The following SSH1 variants were observed in gnomAD, a reference collection of about 807,000 sequenced individuals.
The protein encoded by SSH1 is protein phosphatase Slingshot homolog 1.
SSH1 carries 43 observed loss-of-function variants against 79.7 expected under a neutral mutation model. The ratio of observed to expected loss-of-function variants is 0.54; its 90% CI spans 0.42 to 0.70. The LOEUF (loss-of-function observed/expected upper bound fraction) is 0.70, where lower values mean the gene tolerates loss of function less well. Among genes scored for constraint, SSH1 ranks in the 30% least tolerant of loss-of-function variants. The pLI is 0.00. For missense variants in SSH1, 1,206 were observed against 1,358.8 expected (o/e 0.89, Z 1.77); for synonymous variants, 599 against 538.3 (o/e 1.11, Z -1.56).
chr12:108,853,172 G>C, intron 1 of SSH1: 2 of 985,420 alleles, frequency 2.0e-6, no homozygotes, highest in Non-Finnish European at 2.4e-6. Context: ...CAGGCCGTCT[G>C]TTTGTGGGTC....
chr12:108,838,560 T>A (rs1375802852), intron 2 of SSH1, among the ~76,000 whole-genome samples: 1 of 152,230 alleles, frequency 6.6e-6, no homozygotes, highest in African/African-American at 2.4e-5. Flanking sequence ...CCCTGCAGGA[T>A]GTGACTCAGC....
At chr12:108,850,384 TGGGGAGGGGAGA>T (rs2039005449) in intron 2 of SSH1, among the ~76,000 whole-genome samples, 1 of 5,412 alleles carries the variant, frequency 1.8e-4, no homozygotes, top group Admixed American at 2.5e-3. Context: ...GAGGGGAGCT[TGGGGAGGGGAGA>T]TGGGGGAGGG....
At chr12:108,846,613 G>C (rs2038904439) in intron 2 of SSH1, among the ~76,000 whole-genome samples, 1 of 152,230 alleles carries the variant, frequency 6.6e-6, no homozygotes, top group South Asian at 2.1e-4. Flanking sequence ...ATCAGTTCTT[G>C]AGACACTTCC....
Position 108,792,821 on chromosome 12 carries a change from C to T in SSH1, c.1358G>A (p.Arg453Gln). 4 of 1,613,478 alleles carry T rather than the reference C, an allele frequency of 2.5e-6. No individual in the cohort carries two copies. Among genetic ancestry groups the T allele is most frequent in the African/African-American group, 1.3e-5 (1 of 75,004 alleles). The part of the protein sequence containing the change: ...YEGILDASKQ[R>Q]HNKLWRQQTD... ...CTGCTGACGCCACAGCTTGTTGTGC[C>T]GCTGTTTGCTGCGGGGAGAGAGGGT... is the stretch of plus-strand genomic sequence containing the variant. Residue 453 changes from arginine to glutamine, a missense_variant, in exon 14 of 15, where the codon CGG (arginine) becomes CAG (glutamine). By Grantham distance (43) the Arg-to-Gln change is conservative. Transcript: ENST00000326495.
In SSH1 at chr12:108,778,273, A is replaced by AG. The variant is rs1163042169; in HGVS notation, c.*9714dup. The AG allele has an allele frequency of 6.6e-6, 1 of 152,262 alleles. No homozygotes were observed. The highest frequency in any genetic ancestry group is 1.9e-4 in the East Asian group (1 of 5,206). 9.4% of individuals were successfully genotyped at this position (152,262 alleles called of 1,614,324 possible). Reference sequence around the variant, plus strand: ...TAAACAAACGCACGCATAAGTCCACAGGGGCTCCTTTTCATGGCATATCTC... The same window carrying AG: ...TAAACAAACGCACGCATAAGTCCACAGGGGGCTCCTTTTCATGGCATATCTC... On this transcript the variant is annotated 3_prime_UTR_variant, in exon 15 of 15. Transcript: ENST00000326495.
chr12:108,842,929 T>C (rs769354900), intron 2 of SSH1, among the ~76,000 whole-genome samples: 1 of 152,194 alleles, frequency 6.6e-6, no homozygotes, highest in African/African-American at 2.4e-5. Context: ...ACTGAAATAA[T>C]GCACACAAGG....
Position 108,817,994 on chromosome 12 carries a change from G to GT in SSH1, c.279+254dup, listed in dbSNP as rs1290238822. On this transcript the variant is annotated intron_variant, in intron 4 of 14. Transcript: ENST00000326495. ...GCAGGAGAATCATTTGAGGCCAGGA[G>GT]TTCAAGACCAGCCTGGGCAAAATAG... Among the ~76,000 whole-genome samples, 3 of 152,280 alleles carry GT rather than the reference G, an allele frequency of 2.0e-5. No individual in the cohort carries two copies. In the South Asian group the frequency reaches 6.2e-4, roughly 32 times the overall value.
At chr12:108,806,279 A>T in intron 9 of SSH1, 22 bp downstream of exon 9, 1 of 1,609,484 alleles carries the variant, frequency 6.2e-7, no homozygotes, top group African/African-American at 1.3e-5. Flanking sequence ...CTGACCTGCA[A>T]TGAAGGGAGG....
chr12:108,829,126 G>A (rs1420302068), intron 2 of SSH1, among the ~76,000 whole-genome samples: 3 of 151,980 alleles, frequency 2.0e-5, no homozygotes, highest in Non-Finnish European at 2.9e-5. Flanking sequence ...TCAGGAGTTC[G>A]AGACTAGCAT....
In SSH1 at chr12:108,779,596, AG is replaced by A. The variant is rs2036127826; in HGVS notation, c.*8391del. The A allele has an allele frequency of 6.6e-6, 1 of 152,234 alleles. No individual in the cohort carries two copies. Among genetic ancestry groups the A allele is most frequent in the Non-Finnish European group, 1.5e-5 (1 of 68,048 alleles). 9.4% of individuals were successfully genotyped at this position (152,234 alleles called of 1,614,324 possible). A position where few individuals can be genotyped will look rare whatever the true frequency, so the allele number is the denominator to read the frequency against. On this transcript the variant is annotated 3_prime_UTR_variant, in exon 15 of 15. Transcript: ENST00000326495. ...TCATAAACTGAGAATAATGCCAACA[AG>A]GCAGTTAATAGAAGGATCCCAAGGT...
At position 108,807,459 on chromosome 12, in the gene SSH1, C is replaced by T. The variant is rs1041544333; in HGVS notation, c.731+174G>A. Among the ~76,000 whole-genome samples the T allele has an allele frequency of 6.7e-6, 1 of 149,960 alleles. No individual in the cohort carries two copies. Among genetic ancestry groups the T allele is most frequent in the Non-Finnish European group, 1.5e-5 (1 of 67,790 alleles). ...TCTTTTTTTTGCATGGGACAGGGGC[C>T]TGTGTCACAGACCCCTGCTTTAAAC... On this transcript the variant is annotated intron_variant, in intron 8 of 14. Coordinates refer to ENST00000326495, the MANE Select transcript of SSH1 (RefSeq NM_018984.4). The surrounding 1 kb of genome is among the most constrained non-coding windows in gnomAD (Gnocchi z 5.2).
chr12:108,803,947 A>G (rs1199284335), intron 10 of SSH1, among the ~76,000 whole-genome samples: 2 of 152,204 alleles, frequency 1.3e-5, no homozygotes, highest in East Asian at 3.8e-4. Flanking sequence ...CAGAAAACAA[A>G]GTCTTTCTTG....
At chr12:108,791,935 A>G (rs1377994305) in intron 14 of SSH1, 5 of 1,308,892 alleles carry the variant, frequency 3.8e-6, no homozygotes, top group Non-Finnish European at 4.9e-6. Flanking sequence ...TGGCTGATAA[A>G]TTATATGTTT....
intron 5 of SSH1, among the ~76,000 whole-genome samples, chr12:108,814,978 G>A (rs532710668): frequency 6.6e-6 from 1 of 152,376 alleles, no homozygotes; most frequent in African/African-American, 2.4e-5. Flanking sequence ...AGCTCTGTGA[G>A]ACTGTAGGTG....
At chr12:108,814,868 G>A (rs545114029) in intron 5 of SSH1, among the ~76,000 whole-genome samples, 5 of 152,090 alleles carry the variant, frequency 3.3e-5, no homozygotes, top group South Asian at 2.1e-4. Flanking sequence ...CCATGGGGGC[G>A]GTGCGGACGA....
intron 2 of SSH1, among the ~76,000 whole-genome samples, chr12:108,843,626 C>A (rs1487130925): frequency 6.6e-6 from 1 of 152,120 alleles, no homozygotes; most frequent in Non-Finnish European, 1.5e-5. Flanking sequence ...CCTCCACCTC[C>A]CGGGTTCCAG....
At chr12:108,806,462 G>T in intron 8 of SSH1, 68 bp from the exon 9 acceptor site, 1 of 1,393,428 alleles carries the variant, frequency 7.2e-7, no homozygotes, top group Non-Finnish European at 1.0e-6. Flanking sequence ...TTACAGGAAT[G>T]CCAGATGCTC....
chr12:108,816,225 C>T (rs1287558871), intron 5 of SSH1, among the ~76,000 whole-genome samples: 1 of 152,218 alleles, frequency 6.6e-6, no homozygotes, highest in Admixed American at 6.5e-5. Context: ...GACTGTCTTC[C>T]ATGCTCACTT....
intron 13 of SSH1, among the ~76,000 whole-genome samples, chr12:108,797,703 G>A (rs1289841308): frequency 1.3e-5 from 2 of 152,164 alleles, no homozygotes; most frequent in Non-Finnish European, 2.9e-5. Context: ...GACCTCAGGG[G>A]AGAGCGACCT....
Sources: allele counts gnomAD v4.1 joint callset (sites outside exome capture counted in the v4.1 genomes callset), GRCh38; gene constraint gnomAD v4.1.1; non-coding constraint Gnocchi (gnomAD v3.1); transcripts MANE v1.5; gene names NCBI Gene and HGNC (gene_info 2026-07-23, HGNC 2026-07-21).